The following CYBC1 variants were observed in gnomAD, a reference collection of about 807,000 sequenced individuals.
The protein encoded by CYBC1 is essential for reactive oxygen species protein.
A neutral mutation model predicts 21.7 loss-of-function variants in CYBC1; 22 were observed. The ratio of observed to expected loss-of-function variants is 1.02; its 90% CI spans 0.73 to 1.45. The LOEUF (loss-of-function observed/expected upper bound fraction) is 1.45, where lower values mean the gene tolerates loss of function less well. Among genes scored for constraint, CYBC1 ranks in the 40% most tolerant of loss-of-function variants. The pLI, the probability that CYBC1 is intolerant of heterozygous loss-of-function variation, is 0.00. For synonymous variants in CYBC1, 112 were observed against 98.7 expected (o/e 1.13, Z -0.80); for missense variants, 237 against 242.1 (o/e 0.98, Z 0.14).
Position 82,445,941 on chromosome 17 carries a change from C to G in CYBC1, c.221G>C (p.Ser74Thr), listed in dbSNP as rs773011884. 1.2e-6 allele frequency: 2 copies of G among 1,613,702 alleles called. No homozygotes were observed. The highest frequency in any genetic ancestry group is 1.7e-6 in the Non-Finnish European group (2 of 1,179,860). Residue 74 changes from serine to threonine, a missense_variant, in exon 5 of 7, where the codon AGC (serine) becomes ACC (threonine). Transcript: ENST00000306645. ...EDWEEAIFDK[S>T]TGKVVLKTFS... ...CGTCTTCAAAACAACCTTCCCTGTG[C>G]TCTTGTCGAAGATGGCTTCCTGGAA...
intron 6 of CYBC1, 113 bp from the exon 7 acceptor site, chr17:82,444,237 C>G: frequency 3.4e-6 from 5 of 1,489,664 alleles, no homozygotes; most frequent in Non-Finnish European, 4.5e-6. Flanking sequence ...CTGGAGCTCC[C>G]AAACTGGACC....
Position 82,443,242 on chromosome 17 carries a change from C to T in CYBC1, c.*762G>A. The T allele has an allele frequency of 5.7e-6, 2 of 352,326 alleles. No individual in the cohort carries two copies. The highest frequency in any genetic ancestry group is 2.2e-5 in the South Asian group (1 of 45,668). The allele number at this position is 352,326 out of a possible 1,614,324, so 21.8% of individuals were successfully genotyped here. ...CCCGGTTTTTAAGCACTGCACGATA[C>T]TAGAAGAGCTGACCTTTTTTCTGGC... On this transcript the variant is annotated 3_prime_UTR_variant, in exon 7 of 7. Coordinates refer to ENST00000306645, the MANE Select transcript of CYBC1 (RefSeq NM_001033046.4). This position sits in a 1 kb window ranked among gnomAD's most constrained non-coding sequence, Gnocchi z 6.7.
chr17:82,447,183 C>T, intron 3 of CYBC1: 1 of 319,580 alleles, frequency 3.1e-6, no homozygotes, highest in Non-Finnish European at 5.9e-6. Flanking sequence ...GAAACCCCGT[C>T]TCTACTAAAA....
chr17:82,447,176 A>G (rs957722067), intron 3 of CYBC1: 21 of 315,002 alleles, frequency 6.7e-5, no homozygotes, highest in Admixed American at 3.4e-4. Context: ...AAACGGTGAA[A>G]CCCCGTCTCT....
intron 3 of CYBC1, chr17:82,447,374 G>A (rs2054368532): frequency 1.7e-6 from 1 of 581,352 alleles, no homozygotes; most frequent in Non-Finnish European, 3.1e-6. Flanking sequence ...AAAAAGAAGT[G>A]AAATGTGGGC....
chr17:82,444,542 C>T lies in CYBC1; in HGVS notation c.348G>A (p.Lys116=), dbSNP rs752381292. ...DVRDVSVEEE[K]VRYFGKGYMV... is the part of the protein sequence containing the mutation. ...TGTAGCCTTTCCCGAAGTACCGGAC[C>T]TTCTCCTCCTCCACGCTCACATCAC... The change falls in exon 6 of 7, where the codon AAG becomes AAA. Residue 116 remains lysine, a synonymous_variant. Coordinates refer to ENST00000306645, the MANE Select transcript of CYBC1 (RefSeq NM_001033046.4). 4.3e-6 allele frequency: 7 copies of T among 1,614,004 alleles called. No homozygotes were observed. Among genetic ancestry groups the T allele is most frequent in the Admixed American group, 1.7e-5 (1 of 60,010 alleles).
intron 5 of CYBC1, 91 bp from the exon 6 acceptor site, chr17:82,444,682 A>G: frequency 6.8e-7 from 1 of 1,467,706 alleles, no homozygotes; most frequent in Non-Finnish European, 9.2e-7. Flanking sequence ...CGAAAGCGAC[A>G]GCCACACTTG....
rs150603104 is a variant in CYBC1 at position 82,444,068 on chromosome 17, T to C, written c.500A>G (p.Glu167Gly). ...ITSFLELHCL[E>G]SPTELSQSSD... ...GCTCTGAGACAGCTCTGTGGGGCTC[T>C]CAAGGCAGTGCAGCTCCAGGAAGCT... Residue 167 changes from glutamate (E) to glycine (G), a missense_variant, in exon 7 of 7, where the codon GAG (glutamate) becomes GGG (glycine). By Grantham distance (98) the Glu-to-Gly change is moderately conservative (BLOSUM62 -2). Coordinates refer to ENST00000306645, the MANE Select transcript of CYBC1 (RefSeq NM_001033046.4). 6.2e-7 allele frequency: 1 copy of C among 1,613,640 alleles called. No individual in the cohort carries two copies. Among genetic ancestry groups the C allele is most frequent in the Non-Finnish European group, 8.5e-7 (1 of 1,179,980 alleles).
intron 4 of CYBC1, 54 bp from the exon 5 acceptor site, chr17:82,446,014 G>A (rs746736603): frequency 4.2e-4 from 586 of 1,403,078 alleles, no homozygotes; most frequent in Non-Finnish European, 5.7e-4. Flanking sequence ...GGGGCCCCGT[G>A]GCCGCTGGGG....
In CYBC1 at chr17:82,443,530, T is replaced by A. The variant is rs749494012; in HGVS notation, c.*474A>T. ...GCTGTGTCGGGGACAACATGCAGCA[T>A]CAGCACCCACAAGGGCCCGGCCTGG... On this transcript the variant is annotated 3_prime_UTR_variant, in exon 7 of 7. Transcript: ENST00000306645. This position sits in a 1 kb window ranked among gnomAD's most constrained non-coding sequence, Gnocchi z 6.7. The A allele has an allele frequency of 2.6e-5, 18 of 700,788 alleles. No homozygotes were observed. Among genetic ancestry groups the A allele is most frequent in the Middle Eastern group, 2.4e-4 (1 of 4,216 alleles). 43.4% of individuals were successfully genotyped at this position (700,788 alleles called of 1,614,324 possible).
chr17:82,443,960 A>G lies in CYBC1; in HGVS notation c.*44T>C. On this transcript the variant is annotated 3_prime_UTR_variant, in exon 7 of 7. Coordinates refer to ENST00000306645, the MANE Select transcript of CYBC1 (RefSeq NM_001033046.4). The surrounding 1 kb of genome is among the most constrained non-coding windows in gnomAD (Gnocchi z 6.7). ...GGCTCAGGCACACCGGGAATGTGCCATGGGTCCTGTGGGCGGTGCACGGGC... is the reference window on the plus strand; with the variant it reads ...GGCTCAGGCACACCGGGAATGTGCCGTGGGTCCTGTGGGCGGTGCACGGGC... 6.2e-7 allele frequency: 1 copy of G among 1,605,312 alleles called. No homozygotes were observed. The highest frequency in any genetic ancestry group is 1.3e-5 in the African/African-American group (1 of 74,792).
In CYBC1 at chr17:82,449,597, TTA is replaced by T. The variant is rs2054478109; in HGVS notation, c.-38-307_-38-306del. 5.2e-5 allele frequency: 15 copies of T among 286,296 alleles called. No homozygotes were observed. In the East Asian group the frequency reaches 8.3e-4, roughly 16 times the overall value. 17.7% of individuals were successfully genotyped at this position (286,296 alleles called of 1,614,324 possible). A position where few individuals can be genotyped will look rare whatever the true frequency, so the allele number is the denominator to read the frequency against. On this transcript the variant is annotated intron_variant, in intron 1 of 6. Coordinates refer to ENST00000306645, the MANE Select transcript of CYBC1 (RefSeq NM_001033046.4). Reference sequence around the variant, plus strand: ...ACCTGCCCCGTCCTGTCTGGAAACCTTATGTCCTGAGGCCGCTAGCCCCCAGC... The same window carrying T: ...ACCTGCCCCGTCCTGTCTGGAAACCTTGTCCTGAGGCCGCTAGCCCCCAGC...
At chr17:82,444,687 C>T in intron 5 of CYBC1, 96 bp from the exon 6 acceptor site, 1 of 1,453,916 alleles carries the variant, frequency 6.9e-7, no homozygotes, top group Non-Finnish European at 9.3e-7. Context: ...GCGACAGCCA[C>T]ACTTGGTTGG....
At chr17:82,449,477 T>C (rs890887216) in intron 1 of CYBC1, 185 bp from the exon 2 acceptor site, 8 of 435,602 alleles carry the variant, frequency 1.8e-5, no homozygotes, top group African/African-American at 1.4e-4. Context: ...AGAGACCCCG[T>C]TTCCTGTGTA....
chr17:82,445,546 G>A, intron 5 of CYBC1: 1 of 235,820 alleles, frequency 4.2e-6, no homozygotes, highest in Non-Finnish European at 8.4e-6. Context: ...CCCGAGCCCG[G>A]GTGGGCCAGA....
At chr17:82,447,057 TAAG>T (rs1567911866) in intron 3 of CYBC1, 1 of 356,492 alleles carries the variant, frequency 2.8e-6, no homozygotes, top group African/African-American at 2.1e-5. Context: ...ACAGAAGACT[TAAG>T]AAGTGAAATG....
chr17:82,442,669 A>T lies in CYBC1; in HGVS notation c.*1335T>A. On this transcript the variant is annotated 3_prime_UTR_variant, in exon 7 of 7. Coordinates refer to ENST00000306645, the MANE Select transcript of CYBC1 (RefSeq NM_001033046.4). This position sits in a 1 kb window ranked among gnomAD's most constrained non-coding sequence, Gnocchi z 6.8. ...GACACGTGAAGGGTTATTTATGGTT[A>T]TGATGACCCTGTCCTGCAACGAGGG... The T allele has an allele frequency of 7.4e-7, 1 of 1,359,652 alleles. No individual in the cohort carries two copies. The highest frequency in any genetic ancestry group is 1.0e-6 in the Non-Finnish European group (1 of 988,070). 84.2% of individuals were successfully genotyped at this position (1,359,652 alleles called of 1,614,324 possible). A position where few individuals can be genotyped will look rare whatever the true frequency, so the allele number is the denominator to read the frequency against.
intron 5 of CYBC1, 114 bp from the exon 6 acceptor site, chr17:82,444,705 A>T: frequency 7.4e-7 from 1 of 1,358,322 alleles, no homozygotes; most frequent in Non-Finnish European, 1.0e-6. Flanking sequence ...TGGCAGCAAA[A>T]GCATTTGCTG....
chr17:82,442,810 TGCCGCC>T lies in CYBC1; in HGVS notation c.*1188_*1193del. ...TGTCCTACCCAGCCATTCCTGGGCC[TGCCGCC>T]TAGGGGCTCACAGGGCCCAGGAGTC... On this transcript the variant is annotated 3_prime_UTR_variant, in exon 7 of 7. Coordinates refer to ENST00000306645, the MANE Select transcript of CYBC1 (RefSeq NM_001033046.4). The surrounding 1 kb of genome is among the most constrained non-coding windows in gnomAD (Gnocchi z 6.8). The T allele has an allele frequency of 5.8e-6, 3 of 518,736 alleles. No homozygotes were observed. The highest frequency in any genetic ancestry group is 3.0e-5 in the South Asian group (1 of 33,868). 32.1% of individuals were successfully genotyped at this position (518,736 alleles called of 1,614,324 possible).
Sources: allele counts gnomAD v4.1 joint callset, GRCh38; gene constraint gnomAD v4.1.1; non-coding constraint Gnocchi (gnomAD v3.1); transcripts MANE v1.5; gene names NCBI Gene and HGNC (gene_info 2026-07-23, HGNC 2026-07-21).